WDFY4: variants seen among roughly 807,000 people sequenced by gnomAD.
The protein encoded by WDFY4 is WD repeat- and FYVE domain-containing protein 4.
In WDFY4, 169 loss-of-function variants were observed where a neutral mutation model predicts 351.9. That is an observed-to-expected ratio of 0.48 (90% CI 0.42 to 0.55). The LOEUF (loss-of-function observed/expected upper bound fraction) is 0.55, where lower values mean the gene tolerates loss of function less well. WDFY4 is among the 20% of genes least tolerant of loss of function. The probability of loss-of-function intolerance (pLI) is 0.00; values close to 1 mark genes in which losing one functional copy is unlikely to be tolerated. For missense variants in WDFY4, 3,803 were observed against 3,935.6 expected, an observed-to-expected ratio of 0.97 and a Z score of 0.90; for synonymous variants, 1,622 against 1,574.6, an observed-to-expected ratio of 1.03 and a Z score of -0.71.
intron 2 of WDFY4, among the ~76,000 whole-genome samples, chr10:48,715,896 G>A (rs1044873600): frequency 5.3e-5 from 8 of 149,690 alleles, no homozygotes; most frequent in African/African-American, 2.0e-4. Context: ...TGATCCACCT[G>A]CCTCGGCCTC....
At position 48,953,302 on chromosome 10, in the gene WDFY4, GTCTC is replaced by G. The variant is rs140127650; in HGVS notation, c.7978-3798_7978-3795del. ...GTGCCTGCTTCATCGCATGAGATAT[GTCTC>G]TCTCTCTCTCTCTCTCTCTCTCTCT... is the stretch of plus-strand genomic sequence containing the variant. On this transcript the variant is annotated intron_variant, in intron 51 of 61. Coordinates refer to ENST00000325239, the MANE Select transcript of WDFY4 (RefSeq NM_001394531.1). 2.1e-3 allele frequency among the ~76,000 whole-genome samples: 268 copies of G among 126,012 alleles called. 1 individual carries two copies. The highest frequency in any genetic ancestry group is 6.1e-3 in the African/African-American group (205 of 33,878). The allele number at this position is 126,012 out of a possible 152,430, so 82.7% of individuals were successfully genotyped here.
intron 12 of WDFY4, among the ~76,000 whole-genome samples, chr10:48,754,243 T>C (rs2065266138): frequency 6.6e-6 from 1 of 151,794 alleles, no homozygotes; most frequent in African/African-American, 2.4e-5. Flanking sequence ...TTTTTTTTTT[T>C]TTCTGTATTG....
intron 19 of WDFY4, among the ~76,000 whole-genome samples, chr10:48,783,028 G>A (rs765250466): frequency 3.9e-5 from 6 of 152,112 alleles, no homozygotes; most frequent in Middle Eastern, 3.2e-3. Context: ...AAGCCTTGAT[G>A]GCTGAACAAT....
intron 33 of WDFY4, 57 bp from the exon 34 acceptor site, chr10:48,821,005 A>T: frequency 7.9e-7 from 1 of 1,267,236 alleles, no homozygotes; most frequent in Non-Finnish European, 1.1e-6. Flanking sequence ...GGCGGTGGGC[A>T]CTGGGTGCAC....
At chr10:48,974,527 A>AAAAAAAAAAAAAAAAAAAAAAAAACAAC in intron 57 of WDFY4, among the ~76,000 whole-genome samples, 4 of 23,148 alleles carry the variant, frequency 1.7e-4, no homozygotes, top group African/African-American at 2.9e-4. Flanking sequence ...AAAAAAAAAA[A>AAAAAAAAAAAAAAAAAAAAAAAAACAAC]AACAACTCAT....
chr10:48,833,723 G>A (rs1435613917), intron 39 of WDFY4, among the ~76,000 whole-genome samples: 1 of 152,216 alleles, frequency 6.6e-6, no homozygotes, highest in Admixed American at 6.5e-5. Context: ...GGTGGACTGT[G>A]GTTTTTGCTA....
intron 19 of WDFY4, among the ~76,000 whole-genome samples, chr10:48,785,373 T>C (rs896961369): frequency 6.6e-6 from 1 of 152,224 alleles, no homozygotes; most frequent in African/African-American, 2.4e-5. Context: ...AGTTTTTCCT[T>C]ATATGACTCA....
intron 47 of WDFY4, chr10:48,935,271 C>T (rs371684774): frequency 9.2e-5 from 14 of 152,364 alleles, no homozygotes; most frequent in South Asian, 6.2e-4. Context: ...AGTCTTGACA[C>T]CAGCCTGCAA....
At chr10:48,695,985 T>C (rs764204384) in intron 1 of WDFY4, among the ~76,000 whole-genome samples, 7 of 152,112 alleles carry the variant, frequency 4.6e-5, no homozygotes, top group Non-Finnish European at 1.0e-4. Context: ...AAAGAGGAAG[T>C]TTTGAGAGCC....
intron 18 of WDFY4, 106 bp from the exon 19 acceptor site, chr10:48,779,835 A>G: frequency 2.4e-6 from 3 of 1,243,574 alleles, no homozygotes; most frequent in Non-Finnish European, 3.3e-6. Context: ...CTAGGGCTCC[A>G]TGGTACAAGG....
Position 48,747,439 on chromosome 10 carries a change from C to T in WDFY4, c.2459+3891C>T, listed in dbSNP as rs375667951. 1.7e-4 allele frequency among the ~76,000 whole-genome samples: 26 copies of T among 152,228 alleles called. 1 individual carries two copies. The East Asian group carries it at 3.3e-3, about 19-fold the overall frequency. On this transcript the variant is annotated intron_variant, in intron 12 of 61. Coordinates refer to ENST00000325239, the MANE Select transcript of WDFY4 (RefSeq NM_001394531.1). ...TTTTAAATTATGACCTCTTCTCCAT[C>T]CCTTTTCCTATTATGCCTTTTTGGA... is the stretch of plus-strand genomic sequence containing the variant.
At position 48,746,487 on chromosome 10, in the gene WDFY4, T is replaced by G. The variant is rs188982551; in HGVS notation, c.2459+2939T>G. ...CTTGTAAACAATAAGGAACCACTTT[T>G]GTTGGTTTTACTTTGTTTTTCAATC... On this transcript the variant is annotated intron_variant, in intron 12 of 61. Transcript: ENST00000325239. 3.2e-4 allele frequency among the ~76,000 whole-genome samples: 49 copies of G among 152,308 alleles called. 1 individual carries two copies. In the East Asian group the frequency reaches 8.9e-3, roughly 28 times the overall value.
chr10:48,734,041 G>A lies in WDFY4; in HGVS notation c.1687+6G>A. On this transcript the variant is annotated splice_donor_region_variant and intron_variant, in intron 10 of 61. Coordinates refer to ENST00000325239, the MANE Select transcript of WDFY4 (RefSeq NM_001394531.1). ...AGGCTCGGTGAGGAATGCAGGTAAG[G>A]ATGGTGCCAAGTTTGCCTCATCACT... The A allele has an allele frequency of 1.3e-6, 2 of 1,551,882 alleles. No homozygotes were observed. Among genetic ancestry groups the A allele is most frequent in the East Asian group, 2.4e-5 (1 of 40,922 alleles).
chr10:48,936,709 G>A (rs1462149034), intron 47 of WDFY4, among the ~76,000 whole-genome samples: 2 of 151,608 alleles, frequency 1.3e-5, no homozygotes, highest in African/African-American at 4.8e-5. Flanking sequence ...ATTGTGGCAA[G>A]CACCTGTAGT....
At chr10:48,693,988 G>A (rs181115191) in intron 1 of WDFY4, among the ~76,000 whole-genome samples, 3 of 152,244 alleles carry the variant, frequency 2.0e-5, no homozygotes, top group Non-Finnish European at 4.4e-5. Flanking sequence ...TAATTCCTGA[G>A]GAGCCAGGCA....
In WDFY4 at chr10:48,780,016, C is replaced by G. The variant is rs1181832571; in HGVS notation, c.3473C>G (p.Ala1158Gly). The change falls in exon 19 of 62, where the codon GCT becomes GGT. Residue 1158 changes from alanine (A) to glycine (G), a missense_variant. By Grantham distance (60) the Ala-to-Gly change is moderately conservative. Coordinates refer to ENST00000325239, the MANE Select transcript of WDFY4 (RefSeq NM_001394531.1). ...CAGGTCAGGTGTGGCCAGCTCCTGG[C>G]TTGTGGTCAGTGGCATCACTTGGCT... is the stretch of plus-strand genomic sequence containing the variant. ...QLQVRCGQLLACGQWHHLAVV... is the reference protein window; with the variant it reads ...QLQVRCGQLLGCGQWHHLAVV... 1 of 1,551,836 alleles carries G rather than the reference C, an allele frequency of 6.4e-7. No homozygotes were observed. Among genetic ancestry groups the G allele is most frequent in the South Asian group, 1.2e-5 (1 of 84,064 alleles).
At chr10:48,799,479 A>G (rs1020664848) in intron 24 of WDFY4, among the ~76,000 whole-genome samples, 9 of 152,190 alleles carry the variant, frequency 5.9e-5, no homozygotes, top group African/African-American at 2.2e-4. Context: ...GAAGCCACTC[A>G]GAAGTAAGGA....
At chr10:48,807,441 C>T (rs1178771866) in intron 27 of WDFY4, among the ~76,000 whole-genome samples, 1 of 152,146 alleles carries the variant, frequency 6.6e-6, no homozygotes, top group Non-Finnish European at 1.5e-5. Context: ...AAAGCCTAGC[C>T]TGGGAGCAAG....
chr10:48,837,893 C>T (rs1284614302), intron 39 of WDFY4, among the ~76,000 whole-genome samples: 1 of 152,216 alleles, frequency 6.6e-6, no homozygotes, highest in African/African-American at 2.4e-5. Flanking sequence ...CAGGCCCCAT[C>T]AGAGGAGGGG....
Sources: gnomAD v4.1 joint callset for allele counts (sites outside exome capture counted in the v4.1 genomes callset) on GRCh38, gnomAD v4.1.1 for gene constraint, MANE v1.5 for transcripts, NCBI Gene and HGNC (gene_info 2026-07-23, HGNC 2026-07-21) for gene names.